Variants in HS6ST3 observed in about 807,000 individuals in gnomAD.
HS6ST3 encodes heparan sulfate 6-O-sulfotransferase 3.
Under a neutral mutation model 36.7 loss-of-function variants are expected in HS6ST3, and 12 were observed. The observed-to-expected ratio is 0.33, with a 90% CI of 0.21 to 0.53. HS6ST3 has a LOEUF of 0.53. HS6ST3 is among the 20% of genes least tolerant of loss of function. HS6ST3 has a pLI of 0.95. For missense variants in HS6ST3, 584 were observed against 640.9 expected, an observed-to-expected ratio of 0.91 and a Z score of 0.96; for synonymous variants, 240 against 257.5, an observed-to-expected ratio of 0.93 and a Z score of 0.65.
At chr13:96,487,234 G>GA (rs905803673) in intron 1 of HS6ST3, among the ~76,000 whole-genome samples, 4 of 151,630 alleles carry the variant, frequency 2.6e-5, no homozygotes, top group East Asian at 1.9e-4. Context: ...TTATAAATGT[G>GA]AAAAAAAATA....
chr13:96,200,492 A>T (rs1039899151), intron 1 of HS6ST3, among the ~76,000 whole-genome samples: 1 of 152,146 alleles, frequency 6.6e-6, no homozygotes, highest in Non-Finnish European at 1.5e-5. Context: ...TTGCACTCTT[A>T]TAAAGCATAC....
At chr13:96,489,987 T>C (rs1026876156) in intron 1 of HS6ST3, among the ~76,000 whole-genome samples, 2 of 152,134 alleles carry the variant, frequency 1.3e-5, no homozygotes, top group South Asian at 2.1e-4. Flanking sequence ...ATTAGCTCCA[T>C]CCATCCCTTC....
chr13:96,267,669 A>G (rs978149275), intron 1 of HS6ST3, among the ~76,000 whole-genome samples: 1 of 152,052 alleles, frequency 6.6e-6, no homozygotes, highest in African/African-American at 2.4e-5. Context: ...AAACTGTTTT[A>G]TAAATTTTAA....
At chr13:96,163,811 A>C (rs1229157210) in intron 1 of HS6ST3, among the ~76,000 whole-genome samples, 2 of 152,188 alleles carry the variant, frequency 1.3e-5, no homozygotes, top group Non-Finnish European at 2.9e-5. Context: ...TCTCAGTAGA[A>C]GTTCTGAATC....
intron 1 of HS6ST3, among the ~76,000 whole-genome samples, chr13:96,132,978 T>G (rs1265371923): frequency 6.6e-6 from 1 of 152,174 alleles, no homozygotes; most frequent in Non-Finnish European, 1.5e-5. Context: ...TCGGGTTATT[T>G]GTTTTCTTGC....
intron 1 of HS6ST3, among the ~76,000 whole-genome samples, chr13:96,448,766 C>T (rs542733015): frequency 4.6e-5 from 7 of 152,232 alleles, no homozygotes; most frequent in African/African-American, 1.7e-4. Context: ...TCTGTATTCC[C>T]ACATCTCTTC....
intron 1 of HS6ST3, among the ~76,000 whole-genome samples, chr13:96,246,475 G>A (rs1251117897): frequency 6.6e-6 from 1 of 152,092 alleles, no homozygotes; most frequent in South Asian, 2.1e-4. Flanking sequence ...TCTGGTCTGG[G>A]GACAGTCCTG....
rs185413285 is a variant in HS6ST3 at position 96,808,003 on chromosome 13, G to T, written c.708-24487G>T. 3.3e-5 allele frequency among the ~76,000 whole-genome samples: 5 copies of T among 152,000 alleles called. No individual in the cohort carries two copies. In the East Asian group the frequency reaches 9.7e-4, roughly 29 times the overall value. ...AGATCAGATGACTGACTTCCAAAAA[G>T]AATTTCTTGTCTCAGGGGACATCAG... On this transcript the variant is annotated intron_variant, in intron 1 of 1. Transcript: ENST00000376705.
At chr13:96,317,486 C>T (rs1415168102) in intron 1 of HS6ST3, among the ~76,000 whole-genome samples, 2 of 148,902 alleles carry the variant, frequency 1.3e-5, no homozygotes. Context: ...TTAGATCTTC[C>T]ATGTCTTTGC....
At chr13:96,100,393 T>C (rs150915298) in intron 1 of HS6ST3, among the ~76,000 whole-genome samples, 51 of 152,252 alleles carry the variant, frequency 3.3e-4, no homozygotes, top group African/African-American at 1.1e-3. Context: ...AGGAACTAGT[T>C]TGAGAGGTAT....
intron 1 of HS6ST3, among the ~76,000 whole-genome samples, chr13:96,697,357 A>G (rs887131239): frequency 6.6e-6 from 1 of 152,038 alleles, no homozygotes; most frequent in Non-Finnish European, 1.5e-5. Context: ...AGATATTAGG[A>G]CCAATCCATG....
intron 1 of HS6ST3, among the ~76,000 whole-genome samples, chr13:96,628,041 A>G (rs1440780932): frequency 6.6e-6 from 1 of 151,592 alleles, no homozygotes; most frequent in Non-Finnish European, 1.5e-5. Context: ...GAATGTGTTT[A>G]TTTAATGTGC....
intron 1 of HS6ST3, among the ~76,000 whole-genome samples, chr13:96,221,695 G>A (rs1368015115): frequency 2.0e-5 from 3 of 152,108 alleles, no homozygotes; most frequent in African/African-American, 7.2e-5. Flanking sequence ...GGAGCTGGCT[G>A]CAAAAATCTC....
intron 1 of HS6ST3, among the ~76,000 whole-genome samples, chr13:96,712,147 C>T (rs937619988): frequency 5.3e-5 from 8 of 152,164 alleles, no homozygotes; most frequent in Non-Finnish European, 1.0e-4. Context: ...TTGAATGAAC[C>T]AGTCCTGATT....
Position 96,098,511 on chromosome 13 carries a change from TG to T in HS6ST3, c.707+6946del, listed in dbSNP as rs926511246. On this transcript the variant is annotated intron_variant, in intron 1 of 1. Coordinates refer to ENST00000376705, the MANE Select transcript of HS6ST3 (RefSeq NM_153456.4). ...CAAGTGCTTGATTTGTGACCGTAAT[TG>T]GGGTAATGTTTAAAAGCATGGACCC... 1.0e-3 allele frequency among the ~76,000 whole-genome samples: 153 copies of T among 152,208 alleles called. 11 individuals carry two copies. Among genetic ancestry groups the T allele is most frequent in the South Asian group, 2.1e-3 (10 of 4,808 alleles).
At chr13:96,301,920 A>AT (rs1167757139) in intron 1 of HS6ST3, among the ~76,000 whole-genome samples, 1 of 147,532 alleles carries the variant, frequency 6.8e-6, no homozygotes, top group Non-Finnish European at 1.5e-5. Context: ...AATAATAATA[A>AT]TAATAATAAT....
chr13:96,436,110 C>T (rs912692473), intron 1 of HS6ST3, among the ~76,000 whole-genome samples: 1 of 152,220 alleles, frequency 6.6e-6, no homozygotes, highest in East Asian at 1.9e-4. Flanking sequence ...TGCCCAAGCA[C>T]TCATGGCTGT....
intron 1 of HS6ST3, among the ~76,000 whole-genome samples, chr13:96,784,462 G>C (rs1877595158): frequency 6.6e-6 from 1 of 152,102 alleles, no homozygotes; most frequent in Admixed American, 6.5e-5. Flanking sequence ...CACACACATA[G>C]GATGTTGTGG....
chr13:96,158,229 G>A (rs1354063077), intron 1 of HS6ST3, among the ~76,000 whole-genome samples: 1 of 152,120 alleles, frequency 6.6e-6, no homozygotes, highest in Non-Finnish European at 1.5e-5. Flanking sequence ...TGTGCAGGAG[G>A]AGTGCTAAGA....
Sources: gnomAD v4.1 joint callset for allele counts (sites outside exome capture counted in the v4.1 genomes callset) on GRCh38, gnomAD v4.1.1 for gene constraint, MANE v1.5 for transcripts, NCBI Gene and HGNC (gene_info 2026-07-23, HGNC 2026-07-21) for gene names.